Variants in ZNF516 observed in about 807,000 individuals in gnomAD.
ZNF516 encodes zinc finger protein 516.
Under a neutral mutation model 79.7 loss-of-function variants are expected in ZNF516, and 19 were observed. The observed-to-expected ratio is 0.24, with a 90% CI of 0.17 to 0.35. The LOEUF (loss-of-function observed/expected upper bound fraction) is 0.35, where lower values mean the gene tolerates loss of function less well. ZNF516 is among the 10% of genes least tolerant of loss of function. The pLI, the probability that ZNF516 is intolerant of heterozygous loss-of-function variation, is 1.00. For missense variants in ZNF516, 1,678 were observed against 1,679.5 expected, an observed-to-expected ratio of 1.00 and a Z score of 0.02; for synonymous variants, 877 against 739.5, an observed-to-expected ratio of 1.19 and a Z score of -3.02.
At chr18:76,390,747 C>G (rs2145136385) in intron 3 of ZNF516, among the ~76,000 whole-genome samples, 1 of 152,262 alleles carries the variant, frequency 6.6e-6, no homozygotes, top group South Asian at 2.1e-4. Context: ...CACTGCATTC[C>G]CCAGCCAGAA....
intron 2 of ZNF516, among the ~76,000 whole-genome samples, chr18:76,447,617 G>A (rs1220674936): frequency 2.0e-5 from 3 of 152,196 alleles, no homozygotes; most frequent in Non-Finnish European, 4.4e-5. Context: ...CAGATGCTCA[G>A]AGCCAAGGTG....
rs750245214 is a variant in ZNF516 at position 76,380,103 on chromosome 18, T to C, written c.2011A>G (p.Met671Val). Residue 671 changes from methionine to valine, a missense_variant, in exon 4 of 7, where the codon ATG becomes GTG. Around this residue, in one of 5 missense-constraint regions of ZNF516, gnomAD observed 1,294 missense variants for 1,248.3 expected, o/e 1.04. Coordinates refer to ENST00000443185, the MANE Select transcript of ZNF516 (RefSeq NM_014643.4). ...SRRQEQHRFS[M>V]DLKMPAFHPK... ...TGAAATGCTGGCATCTTTAAGTCCA[T>C]AGAAAATCTGTGCTGCTCTTGCCTT... The C allele has an allele frequency of 5.0e-6, 8 of 1,613,934 alleles. No homozygotes were observed. The highest frequency in any genetic ancestry group is 4.4e-5 in the South Asian group (4 of 91,082).
chr18:76,491,081 T>C (rs981297964), intron 1 of ZNF516: 2 of 985,042 alleles, frequency 2.0e-6, no homozygotes, highest in Admixed American at 6.2e-5. Flanking sequence ...ACTTATGTAA[T>C]CGTCCTCGGG....
intron 3 of ZNF516, among the ~76,000 whole-genome samples, chr18:76,404,009 C>G (rs1244196442): frequency 1.3e-5 from 2 of 152,234 alleles, no homozygotes; most frequent in Non-Finnish European, 2.9e-5. Context: ...ACCAGAGCAG[C>G]AGCGGACAGG....
At chr18:76,373,080 G>T (rs2074732746) in intron 4 of ZNF516, among the ~76,000 whole-genome samples, 1 of 152,144 alleles carries the variant, frequency 6.6e-6, no homozygotes, top group African/African-American at 2.4e-5. Flanking sequence ...AGCTCAGGAG[G>T]TCAAGGCTGC....
intron 3 of ZNF516, among the ~76,000 whole-genome samples, chr18:76,424,524 T>C (rs1422394943): frequency 1.9e-3 from 115 of 60,272 alleles, no homozygotes; most frequent in African/African-American, 2.0e-3. Flanking sequence ...ATGAAACACA[T>C]GCAGGTGAAA....
chr18:76,437,067 AAC>A (rs370573337), intron 3 of ZNF516, among the ~76,000 whole-genome samples: 56 of 135,984 alleles, frequency 4.1e-4, no homozygotes, highest in African/African-American at 9.0e-4. Flanking sequence ...ACCTGTCTAA[AAC>A]ACACACACAC....
intron 1 of ZNF516, among the ~76,000 whole-genome samples, chr18:76,480,529 A>ATGTTTTTT (rs374464151): frequency 7.0e-6 from 1 of 142,024 alleles, no homozygotes; most frequent in South Asian, 2.2e-4. Flanking sequence ...ACACACATAT[A>ATGTTTTTT]TTTTTTTTTT....
chr18:76,442,656 C>T lies in ZNF516; in HGVS notation c.399G>A (p.Gln133=). The part of the protein sequence containing the change: ...ACNRLLNGAS[Q]ADGARVLNGA... Reference sequence around the variant, plus strand: ...CGTTCAGGACCCTGGCGCCGTCGGCCTGCGAGGCCCCGTTCAGCAGCCGGT... The same window carrying T: ...CGTTCAGGACCCTGGCGCCGTCGGCTTGCGAGGCCCCGTTCAGCAGCCGGT... The change falls in exon 3 of 7, where the codon CAG becomes CAA. Residue 133 remains glutamine, a synonymous_variant. Coordinates refer to ENST00000443185, the MANE Select transcript of ZNF516 (RefSeq NM_014643.4). The T allele has an allele frequency of 6.3e-7, 1 of 1,586,024 alleles. No individual in the cohort carries two copies. The highest frequency in any genetic ancestry group is 8.5e-7 in the Non-Finnish European group (1 of 1,171,390).
chr18:76,372,598 A>G (rs2074725461), intron 4 of ZNF516: 1 of 152,260 alleles, frequency 6.6e-6, no homozygotes, highest in Admixed American at 6.5e-5. Flanking sequence ...CTGGTTGAAA[A>G]CAAACCTTCA....
rs549226947 is a variant in ZNF516 at position 76,390,146 on chromosome 18, C to T, written c.1811-9843G>A. Among the ~76,000 whole-genome samples, 4 of 152,308 alleles carry T rather than the reference C, an allele frequency of 2.6e-5. No homozygotes were observed. The South Asian group carries it at 6.2e-4, about 24-fold the overall frequency. ...GTCCCTCAGAGTGAATCTATGGTCA[C>T]GACCCGGACCCCGGAGGCCTGTGCA... is the stretch of plus-strand genomic sequence containing the variant. On this transcript the variant is annotated intron_variant, in intron 3 of 6. Coordinates refer to ENST00000443185, the MANE Select transcript of ZNF516 (RefSeq NM_014643.4).
At chr18:76,376,628 A>G (rs998541571) in intron 4 of ZNF516, among the ~76,000 whole-genome samples, 2 of 152,074 alleles carry the variant, frequency 1.3e-5, no homozygotes, top group Admixed American at 1.3e-4. Context: ...TTCAAATTCT[A>G]TCATCTAAAA....
At chr18:76,363,325 A>G (rs971584778) in intron 6 of ZNF516, among the ~76,000 whole-genome samples, 1 of 152,278 alleles carries the variant, frequency 6.6e-6, no homozygotes, top group Non-Finnish European at 1.5e-5. Context: ...ACATGCATAC[A>G]TAAACTAAGG....
intron 3 of ZNF516, among the ~76,000 whole-genome samples, chr18:76,428,231 CA>C (rs879590266): frequency 0.013 from 1,878 of 140,838 alleles, 38 homozygotes; most frequent in African/African-American, 0.044. Context: ...ACTAAAAATG[CA>C]AAAAAAAAAA....
At chr18:76,478,518 A>G (rs774987835) in intron 1 of ZNF516, among the ~76,000 whole-genome samples, 1 of 152,224 alleles carries the variant, frequency 6.6e-6, no homozygotes, top group Non-Finnish European at 1.5e-5. Flanking sequence ...TTTCTAAAAT[A>G]AACAATTTTT....
At chr18:76,418,628 A>C (rs935392767) in intron 3 of ZNF516, among the ~76,000 whole-genome samples, 3 of 152,234 alleles carry the variant, frequency 2.0e-5, no homozygotes, top group East Asian at 1.9e-4. Flanking sequence ...TGAAAAAAAA[A>C]CCATTAAGAA....
intron 1 of ZNF516, among the ~76,000 whole-genome samples, chr18:76,470,970 C>A (rs191043389): frequency 4.7e-4 from 72 of 152,246 alleles, no homozygotes; most frequent in Non-Finnish European, 6.6e-4. Flanking sequence ...TTTTAAATTT[C>A]TTTTCTATTC....
intron 2 of ZNF516, among the ~76,000 whole-genome samples, chr18:76,449,551 G>C (rs1912268643): frequency 6.6e-6 from 1 of 152,238 alleles, no homozygotes; most frequent in African/African-American, 2.4e-5. Flanking sequence ...CCCTGAGCAA[G>C]TGTCTTAGCC....
In ZNF516 at chr18:76,451,225, C is replaced by T. The variant is rs1393344339; in HGVS notation, c.-157-8014G>A. 1.3e-5 allele frequency among the ~76,000 whole-genome samples: 2 copies of T among 152,122 alleles called. No homozygotes were observed. The highest frequency in any genetic ancestry group is 6.5e-5 in the Admixed American group (1 of 15,274). The stretch of plus-strand genomic sequence containing the variant: ...GTTCTGGTTCATGAATTAACCTTAT[C>T]GCGGTCCCGAAACAGCCCTGGCTCC... On this transcript the variant is annotated intron_variant, in intron 2 of 6. Transcript: ENST00000443185. The surrounding 1 kb of genome is among the most constrained non-coding windows in gnomAD (Gnocchi z 6.0).
Sources: allele counts gnomAD v4.1 joint callset (sites outside exome capture counted in the v4.1 genomes callset), GRCh38; gene constraint gnomAD v4.1.1; regional missense constraint gnomAD v4.1.1; non-coding constraint Gnocchi (gnomAD v3.1); transcripts MANE v1.5; gene names NCBI Gene and HGNC (gene_info 2026-07-23, HGNC 2026-07-21).